KLC1: variants seen among roughly 807,000 people sequenced by gnomAD.
KLC1 encodes kinesin 2 60/70kDa.
A neutral mutation model predicts 84.2 loss-of-function variants in KLC1; 30 were observed. The observed-to-expected ratio is 0.36, with a 90% CI of 0.27 to 0.48. KLC1 has a LOEUF of 0.48. Ranked by LOEUF, KLC1 falls within the 20% of genes least tolerant of loss-of-function variation. The pLI, the probability that KLC1 is intolerant of heterozygous loss-of-function variation, is 0.99. For synonymous variants in KLC1, 289 were observed against 293.3 expected, an observed-to-expected ratio of 0.99 and a Z score of 0.15; for missense variants, 499 against 805.4, an observed-to-expected ratio of 0.62 and a Z score of 4.60.
intron 14 of KLC1, among the ~76,000 whole-genome samples, chr14:103,689,071 G>C (rs575265308): frequency 7.5e-5 from 10 of 133,698 alleles, no homozygotes; most frequent in African/African-American, 2.6e-4. Context: ...GCTTGGTGTC[G>C]CTTCCTTGGA....
chr14:103,692,500 G>A (rs2082178489), intron 15 of KLC1, 75 bp downstream of exon 15: 2 of 1,291,752 alleles, frequency 1.5e-6, no homozygotes, highest in Admixed American at 2.0e-5. Flanking sequence ...CCCGCACTCG[G>A]CCCCTGCTCG....
At chr14:103,645,539 A>G (rs2077850769) in intron 1 of KLC1, among the ~76,000 whole-genome samples, 1 of 152,150 alleles carries the variant, frequency 6.6e-6, no homozygotes, top group South Asian at 2.1e-4. Flanking sequence ...TGAGGAATGC[A>G]TCGTTAAGTG....
chr14:103,679,306 T>TTTTTG, intron 12 of KLC1, 78 bp from the exon 13 acceptor site: 1 of 1,405,392 alleles, frequency 7.1e-7, no homozygotes, highest in African/African-American at 1.4e-5. Context: ...TTTTTTTTTC[T>TTTTTG]AGCGAAGTAT....
At chr14:103,638,556 C>G (rs2151312868) in intron 1 of KLC1, among the ~76,000 whole-genome samples, 1 of 151,230 alleles carries the variant, frequency 6.6e-6, no homozygotes, top group Admixed American at 6.6e-5. Context: ...TCACTGTAAG[C>G]TTTCCCCACC....
chr14:103,660,844 C>T (rs1302831234), intron 3 of KLC1, among the ~76,000 whole-genome samples: 3 of 152,034 alleles, frequency 2.0e-5, no homozygotes, highest in African/African-American at 7.2e-5. Flanking sequence ...GATGCTTGCT[C>T]TAGAGTGCTA....
At chr14:103,645,705 G>A (rs2077864319) in intron 1 of KLC1, among the ~76,000 whole-genome samples, 1 of 151,840 alleles carries the variant, frequency 6.6e-6, no homozygotes, top group Non-Finnish European at 1.5e-5. Context: ...GTAAATATTT[G>A]TGCAACTAAA....
At chr14:103,676,167 G>A (rs1420611129) in intron 11 of KLC1, among the ~76,000 whole-genome samples, 3 of 152,204 alleles carry the variant, frequency 2.0e-5, no homozygotes, top group Non-Finnish European at 2.9e-5. Context: ...CTCCGTGGCC[G>A]GCCCGAGAGC....
intron 15 of KLC1, chr14:103,695,337 GTGTATA>G (rs1163194112): frequency 8.5e-5 from 45 of 526,952 alleles, no homozygotes; most frequent in Middle Eastern, 9.3e-4. Context: ...ATGTGTGTGT[GTGTATA>G]TATATATATA....
chr14:103,634,231 C>A (rs566822355), intron 1 of KLC1, among the ~76,000 whole-genome samples: 1 of 152,202 alleles, frequency 6.6e-6, no homozygotes, highest in East Asian at 1.9e-4. Flanking sequence ...ACATTCATAA[C>A]CTCCACAAGG....
intron 1 of KLC1, among the ~76,000 whole-genome samples, chr14:103,640,640 G>A (rs990002401): frequency 4.6e-5 from 7 of 152,126 alleles, no homozygotes; most frequent in African/African-American, 1.2e-4. Context: ...GATTACAGGC[G>A]TGAGCCACCG....
Position 103,693,978 on chromosome 14 carries a change from A to G in KLC1, c.1848+1553A>G. On this transcript the variant is annotated intron_variant, in intron 15 of 16. Coordinates refer to ENST00000334553, the MANE Select transcript of KLC1 (RefSeq NM_001394837.1). The surrounding 1 kb of genome is among the most constrained non-coding windows in gnomAD (Gnocchi z 5.1). ...TTGCCATGACACCAGACTCTCTTTT[A>G]AATTGTAATATTGTAATAAGGCTGT... is the stretch of plus-strand genomic sequence containing the variant. 1 of 1,126,136 alleles carries G rather than the reference A, an allele frequency of 8.9e-7. No homozygotes were observed. Among genetic ancestry groups the G allele is most frequent in the Non-Finnish European group, 1.1e-6 (1 of 917,680 alleles). The allele number at this position is 1,126,136 out of a possible 1,614,324, so 69.8% of individuals were successfully genotyped here.
chr14:103,659,883 T>G (rs1302762762), intron 3 of KLC1, among the ~76,000 whole-genome samples: 1 of 152,162 alleles, frequency 6.6e-6, no homozygotes, highest in Non-Finnish European at 1.5e-5. Context: ...GCCTTCTTTC[T>G]GGCTTGCAGA....
chr14:103,691,928 G>A (rs776299629), intron 14 of KLC1, among the ~76,000 whole-genome samples: 3 of 151,968 alleles, frequency 2.0e-5, no homozygotes, highest in African/African-American at 4.8e-5. Flanking sequence ...ATGCCACCAC[G>A]CCTGGCTAAT....
In KLC1 at chr14:103,687,250, C is replaced by T. The variant is rs1020509415; in HGVS notation, c.1781+39C>T. On this transcript the variant is annotated intron_variant, in intron 14 of 16. Coordinates refer to ENST00000334553, the MANE Select transcript of KLC1 (RefSeq NM_001394837.1). ...CCAGCTCTCCCGACTCCCTGCACGCCGGCTGCTGGGCCGCTTCTCTTCCTA... is the reference window on the plus strand; with the variant it reads ...CCAGCTCTCCCGACTCCCTGCACGCTGGCTGCTGGGCCGCTTCTCTTCCTA... The T allele has an allele frequency of 7.2e-5, 108 of 1,498,902 alleles. No homozygotes were observed. The Admixed American group carries it at 9.0e-4, about 13-fold the overall frequency. The allele number at this position is 1,498,902 out of a possible 1,614,324, so 92.9% of individuals were successfully genotyped here. A position where few individuals can be genotyped will look rare whatever the true frequency, so the allele number is the denominator to read the frequency against.
chr14:103,630,458 G>C (rs890984816), intron 1 of KLC1, among the ~76,000 whole-genome samples: 8 of 152,182 alleles, frequency 5.3e-5, no homozygotes, highest in African/African-American at 1.9e-4. Flanking sequence ...CAAAAAATTT[G>C]AGATATACTA....
rs74697698 is a variant in KLC1 at position 103,685,308 on chromosome 14, T to C, written c.1651-1773T>C. 1.1e-3 allele frequency: 1,393 copies of C among 1,320,190 alleles called. 13 individuals are homozygous for C. In the African/African-American group the frequency reaches 0.019, roughly 18 times the overall value. 81.8% of individuals were successfully genotyped at this position (1,320,190 alleles called of 1,614,324 possible). A position where few individuals can be genotyped will look rare whatever the true frequency, so the allele number is the denominator to read the frequency against. On this transcript the variant is annotated intron_variant, in intron 13 of 16. Coordinates refer to ENST00000334553, the MANE Select transcript of KLC1 (RefSeq NM_001394837.1). Reference sequence around the variant, plus strand: ...TATGTTTTTCATTGCATAATCTCCTTATATACAGTTACTTGTAAAGCCTTT... The same window carrying C: ...TATGTTTTTCATTGCATAATCTCCTCATATACAGTTACTTGTAAAGCCTTT...
intron 9 of KLC1, 70 bp from the exon 10 acceptor site, chr14:103,675,482 T>A (rs540953075): frequency 4.4e-6 from 6 of 1,364,450 alleles, no homozygotes; most frequent in Non-Finnish European, 6.2e-6. Flanking sequence ...GAAATTCCCC[T>A]TAGAGCAGTT....
chr14:103,692,352 G>C lies in KLC1; in HGVS notation c.1782-7G>C, dbSNP rs2082171154. 6.5e-7 allele frequency: 1 copy of C among 1,536,500 alleles called. No homozygotes were observed. Among genetic ancestry groups the C allele is most frequent in the Non-Finnish European group, 8.7e-7 (1 of 1,146,984 alleles). On this transcript the variant is annotated splice_region_variant and splice_polypyrimidine_tract_variant and intron_variant, in intron 14 of 16. Transcript: ENST00000334553. ...TTTGTCCTTGCATGTCCGTGTCCGG[G>C]TTGCAGCATGAAGCGTGCCAGCTCT...
rs187427496 is a variant in KLC1, at chr14:103,670,079, A to T, written c.886-103A>T. 1.0e-3 allele frequency: 776 copies of T among 768,786 alleles called. 2 individuals carry two copies. Among genetic ancestry groups the T allele is most frequent in the Admixed American group, 1.9e-3 (82 of 42,896 alleles). 47.6% of individuals were successfully genotyped at this position (768,786 alleles called of 1,614,324 possible). A position where few individuals can be genotyped will look rare whatever the true frequency, so the allele number is the denominator to read the frequency against. On this transcript the variant is annotated intron_variant, in intron 6 of 16. Transcript: ENST00000334553. ...GTCATATTGTTCTATCCGACTAAGAATGCTTTACTGTATAGATTGAATATA... is the reference window on the plus strand; with the variant it reads ...GTCATATTGTTCTATCCGACTAAGATTGCTTTACTGTATAGATTGAATATA...
Sources: gnomAD v4.1 joint callset for allele counts (sites outside exome capture counted in the v4.1 genomes callset) on GRCh38, gnomAD v4.1.1 for gene constraint, Gnocchi (gnomAD v3.1) non-coding constraint, MANE v1.5 for transcripts, NCBI Gene and HGNC (gene_info 2026-07-23, HGNC 2026-07-21) for gene names.